Variants in ARPC1A observed in about 807,000 individuals in gnomAD.
ARPC1A encodes the protein actin related protein 2/3 complex subunit 1A, also known as actin-related protein 2/3 complex subunit 1A.
In ARPC1A, 8 loss-of-function variants were observed where a neutral mutation model predicts 46.9. That is an observed-to-expected ratio of 0.17 (90% CI 0.10 to 0.31). The LOEUF (loss-of-function observed/expected upper bound fraction) is 0.31, where lower values mean the gene tolerates loss of function less well. Among genes scored for constraint, ARPC1A ranks in the 10% least tolerant of loss-of-function variants. The pLI, the probability that ARPC1A is intolerant of heterozygous loss-of-function variation, is 1.00. For synonymous variants in ARPC1A, 152 were observed against 169.0 expected (o/e 0.90, Z 0.78); for missense variants, 286 against 483.6 (o/e 0.59, Z 3.83).
intron 1 of ARPC1A, among the ~76,000 whole-genome samples, chr7:99,331,943 C>A (rs931983871): frequency 6.6e-6 from 1 of 152,060 alleles, no homozygotes; most frequent in Non-Finnish European, 1.5e-5. Flanking sequence ...ATATTATAAT[C>A]AACTTTCACT....
intron 3 of ARPC1A, among the ~76,000 whole-genome samples, 154 bp downstream of exon 3, chr7:99,338,439 G>A (rs1793296104): frequency 7.6e-6 from 1 of 131,558 alleles, no homozygotes; most frequent in Admixed American, 9.0e-5. Flanking sequence ...AGGCTGGACT[G>A]CAATGGCGCA....
intron 8 of ARPC1A, 22 bp from the exon 9 acceptor site, chr7:99,363,521 C>A: frequency 6.3e-7 from 1 of 1,589,262 alleles, no homozygotes; most frequent in African/African-American, 1.3e-5. Flanking sequence ...CTTACGATCT[C>A]TTTTGCTTTG....
intron 3 of ARPC1A, among the ~76,000 whole-genome samples, chr7:99,341,028 G>A (rs1215130004): frequency 1.3e-5 from 2 of 152,186 alleles, no homozygotes; most frequent in Non-Finnish European, 2.9e-5. Context: ...GGAATTTTAG[G>A]CCGGGTGCGG....
intron 2 of ARPC1A, 127 bp from the exon 3 acceptor site, chr7:99,338,054 G>A (rs1366100349): frequency 3.4e-6 from 2 of 585,446 alleles, no homozygotes; most frequent in African/African-American, 1.9e-5. Context: ...GGTGAATTTG[G>A]GAACTACTTT....
intron 4 of ARPC1A, 148 bp downstream of exon 4, chr7:99,344,663 T>C: frequency 1.2e-6 from 1 of 831,264 alleles, no homozygotes; most frequent in Non-Finnish European, 1.8e-6. Flanking sequence ...GCATTTTCCC[T>C]TCTCATGTGC....
At chr7:99,339,903 C>A (rs1366215199) in intron 3 of ARPC1A, 1 of 440,632 alleles carries the variant, frequency 2.3e-6, no homozygotes, top group Non-Finnish European at 4.7e-6. Context: ...CATCAGATTG[C>A]CATCATTCCC....
At chr7:99,359,924 G>T in intron 8 of ARPC1A, 186 bp downstream of exon 8, 1 of 689,402 alleles carries the variant, frequency 1.5e-6, no homozygotes, top group Non-Finnish European at 2.4e-6. Context: ...TGGTAGGGAG[G>T]GAGTCGCCAC....
intron 1 of ARPC1A, among the ~76,000 whole-genome samples, chr7:99,332,502 C>G (rs1793159484): frequency 6.6e-6 from 1 of 152,120 alleles, no homozygotes; most frequent in Non-Finnish European, 1.5e-5. Flanking sequence ...ATCCTGTACC[C>G]ATGGTTTAAG....
chr7:99,353,801 A>G, intron 5 of ARPC1A, 108 bp from the exon 6 acceptor site: 1 of 1,092,070 alleles, frequency 9.2e-7, no homozygotes, highest in Non-Finnish European at 1.3e-6. Flanking sequence ...TTTTTTAATG[A>G]GTCAACCTCT....
rs35059598 is a variant in ARPC1A at position 99,352,970 on chromosome 7, A to AATATAT, written c.501-929_501-924dup. ...CAAGAGCAAGACTCTGTCCCCCAAA[A>AATATAT]ATATATATATATATACTAGAATATG... On this transcript the variant is annotated intron_variant, in intron 5 of 9. Coordinates refer to ENST00000262942, the MANE Select transcript of ARPC1A (RefSeq NM_006409.4). 2.4e-4 allele frequency among the ~76,000 whole-genome samples: 36 copies of AATATAT among 150,448 alleles called. No homozygotes were observed. In the South Asian group the frequency reaches 5.9e-3, roughly 25 times the overall value.
At chr7:99,345,366 C>T (rs66568021) in intron 4 of ARPC1A, among the ~76,000 whole-genome samples, 13,525 of 152,196 alleles carry the variant, frequency 0.089, 888 homozygotes, top group African/African-American at 0.19. Flanking sequence ...TTTTAAATTA[C>T]TTCTTGCTGA....
intron 4 of ARPC1A, among the ~76,000 whole-genome samples, chr7:99,344,738 C>G (rs1268477483): frequency 6.6e-6 from 1 of 151,916 alleles, no homozygotes; most frequent in Non-Finnish European, 1.5e-5. Flanking sequence ...TTCTGATCGC[C>G]TAACTTGTTT....
chr7:99,358,524 A>G (rs996885247), intron 7 of ARPC1A, 109 bp downstream of exon 7: 18 of 902,532 alleles, frequency 2.0e-5, no homozygotes, highest in Non-Finnish European at 2.8e-5. Flanking sequence ...TTTTTAGAAG[A>G]AACAGAGCTC....
At chr7:99,335,140 G>T (rs536919372) in intron 2 of ARPC1A, among the ~76,000 whole-genome samples, 1 of 151,562 alleles carries the variant, frequency 6.6e-6, no homozygotes, top group African/African-American at 2.4e-5. Flanking sequence ...CACTGCGCCC[G>T]GCCCACACCT....
intron 1 of ARPC1A, among the ~76,000 whole-genome samples, chr7:99,329,141 A>C (rs1244868919): frequency 1.3e-5 from 2 of 152,032 alleles, no homozygotes; most frequent in African/African-American, 2.4e-5. Context: ...TCTACTAAAA[A>C]TACAAAAAAA....
intron 6 of ARPC1A, among the ~76,000 whole-genome samples, 199 bp from the exon 7 acceptor site, chr7:99,358,141 C>T (rs1793673541): frequency 6.6e-6 from 1 of 152,166 alleles, no homozygotes; most frequent in South Asian, 2.1e-4. Context: ...GGCAGGGCCT[C>T]AGAAGGAGGC....
chr7:99,335,057 G>A (rs1193979227), intron 2 of ARPC1A, among the ~76,000 whole-genome samples: 3 of 152,120 alleles, frequency 2.0e-5, no homozygotes, highest in Non-Finnish European at 4.4e-5. Flanking sequence ...TGTTAGCCAG[G>A]ATGGTCTCAA....
intron 2 of ARPC1A, among the ~76,000 whole-genome samples, chr7:99,337,019 G>A (rs1793266559): frequency 6.6e-6 from 1 of 151,990 alleles, no homozygotes; most frequent in South Asian, 2.1e-4. Flanking sequence ...GGTAAAAAAA[G>A]ATACATGAAT....
chr7:99,349,055 T>G (rs1165184710), intron 5 of ARPC1A, 96 bp downstream of exon 5: 2 of 1,283,812 alleles, frequency 1.6e-6, no homozygotes, highest in African/African-American at 3.0e-5. Context: ...TGTTTTGTTG[T>G]GGTTGTTGTT....
Sources: allele counts gnomAD v4.1 joint callset (sites outside exome capture counted in the v4.1 genomes callset), GRCh38; gene constraint gnomAD v4.1.1; transcripts MANE v1.5; gene names NCBI Gene and HGNC (gene_info 2026-07-23, HGNC 2026-07-21).